KCNIP1: variants seen among roughly 807,000 people sequenced by gnomAD.
KCNIP1 encodes A-type potassium channel modulatory protein KCNIP1.
KCNIP1 carries 18 observed loss-of-function variants against 33.0 expected under a neutral mutation model. The observed-to-expected ratio is 0.55, with a 90% confidence interval of 0.38 to 0.81. KCNIP1 has a LOEUF of 0.81. KCNIP1 is among the 30% of genes least tolerant of loss of function. The pLI is 0.00. For synonymous variants in KCNIP1, 93 were observed against 98.3 expected, an observed-to-expected ratio of 0.95 and a Z score of 0.32; for missense variants, 238 against 271.6, an observed-to-expected ratio of 0.88 and a Z score of 0.87.
chr5:170,637,604 C>A, intron 1 of KCNIP1, among the ~76,000 whole-genome samples: 1 of 152,184 alleles, frequency 6.6e-6, no homozygotes, highest in Non-Finnish European at 1.5e-5. Context: ...AAGGCCTTTG[C>A]TCAGGCTGTT....
chr5:170,722,624 T>G, intron 4 of KCNIP1, 89 bp from the exon 5 acceptor site: 36 of 875,108 alleles, frequency 4.1e-5, no homozygotes, highest in Non-Finnish European at 6.2e-5. Flanking sequence ...CACCATTCTG[T>G]GAGAGTATCA....
chr5:170,594,106 T>C (rs985267496), intron 1 of KCNIP1, among the ~76,000 whole-genome samples: 4 of 152,236 alleles, frequency 2.6e-5, no homozygotes, highest in Non-Finnish European at 1.5e-5. Context: ...AAAGGATGAC[T>C]TTCCCTAGGA....
chr5:170,506,776 C>T (rs545090108), intron 1 of KCNIP1, among the ~76,000 whole-genome samples: 2 of 152,296 alleles, frequency 1.3e-5, no homozygotes, highest in East Asian at 3.9e-4. Flanking sequence ...GACAAGCTAT[C>T]GAAGCACTGG....
At chr5:170,521,856 C>A (rs1223202662) in intron 1 of KCNIP1, among the ~76,000 whole-genome samples, 1 of 152,198 alleles carries the variant, frequency 6.6e-6, no homozygotes, top group Non-Finnish European at 1.5e-5. Context: ...TTTTATCATT[C>A]ATATAACTTC....
chr5:170,657,842 C>A (rs1761329275), intron 1 of KCNIP1, among the ~76,000 whole-genome samples: 1 of 152,196 alleles, frequency 6.6e-6, no homozygotes, highest in African/African-American at 2.4e-5. Context: ...GACTGCACAG[C>A]AACCCATGCC....
At chr5:170,615,265 C>T (rs1002844976) in intron 1 of KCNIP1, among the ~76,000 whole-genome samples, 1 of 152,074 alleles carries the variant, frequency 6.6e-6, no homozygotes, top group Non-Finnish European at 1.5e-5. Context: ...AGCCACTTTC[C>T]CACAGCCTGG....
At chr5:170,484,552 T>G (rs1463098266) in intron 1 of KCNIP1, among the ~76,000 whole-genome samples, 1 of 152,166 alleles carries the variant, frequency 6.6e-6, no homozygotes, top group Non-Finnish European at 1.5e-5. Context: ...TCTCTCCTTT[T>G]TTCATTCCAT....
intron 1 of KCNIP1, among the ~76,000 whole-genome samples, chr5:170,390,538 A>ATATATATATATT (rs1554088948): frequency 5.1e-4 from 67 of 131,198 alleles, no homozygotes; most frequent in Non-Finnish European, 9.2e-4. Context: ...ATATATATAT[A>ATATATATATATT]TTTTCAACAA....
chr5:170,699,185 C>T (rs1029953331), intron 1 of KCNIP1, among the ~76,000 whole-genome samples: 3 of 152,160 alleles, frequency 2.0e-5, no homozygotes, highest in African/African-American at 7.2e-5. Context: ...AAGAACGTAA[C>T]AGCCATCCAT....
intron 1 of KCNIP1, among the ~76,000 whole-genome samples, chr5:170,391,460 G>C (rs553597939): frequency 1.3e-5 from 2 of 152,208 alleles, no homozygotes; most frequent in Non-Finnish European, 1.5e-5. Flanking sequence ...CCCTGTCCTC[G>C]AGGGTTTGTG....
chr5:170,410,430 C>G (rs1011731888), intron 1 of KCNIP1, among the ~76,000 whole-genome samples: 9 of 152,220 alleles, frequency 5.9e-5, no homozygotes, highest in African/African-American at 2.2e-4. Context: ...GTCCCCCACA[C>G]AGGGGATCGC....
chr5:170,423,738 G>A (rs1438037631), intron 1 of KCNIP1, among the ~76,000 whole-genome samples: 10 of 152,146 alleles, frequency 6.6e-5, no homozygotes, highest in African/African-American at 9.7e-5. Context: ...TGTTAGATGC[G>A]GGGGTGCGTC....
intron 1 of KCNIP1, among the ~76,000 whole-genome samples, chr5:170,392,225 C>T (rs1754618816): frequency 6.6e-6 from 1 of 152,186 alleles, no homozygotes; most frequent in African/African-American, 2.4e-5. Flanking sequence ...AGCCTGCAGA[C>T]AGTTCCAGCC....
intron 1 of KCNIP1, among the ~76,000 whole-genome samples, chr5:170,580,988 A>G (rs927311506): frequency 1.3e-5 from 2 of 152,180 alleles, no homozygotes; most frequent in Non-Finnish European, 2.9e-5. Context: ...CCAAATAACC[A>G]CTGAGGCACT....
In KCNIP1 at chr5:170,588,220, G is replaced by C. The variant is rs184246097; in HGVS notation, c.61+83587G>C. ...ACTTTCTCGGATGGACAATTTCTCT[G>C]TTCTGACAGTCACTGTTGACTCCAT... On this transcript the variant is annotated intron_variant, in intron 1 of 7. Transcript: ENST00000328939. Among the ~76,000 whole-genome samples the C allele has an allele frequency of 4.6e-5, 7 of 152,274 alleles. No homozygotes were observed. In the East Asian group the frequency reaches 1.2e-3, roughly 25 times the overall value.
chr5:170,683,954 A>C (rs893703074), intron 1 of KCNIP1, among the ~76,000 whole-genome samples: 2 of 149,606 alleles, frequency 1.3e-5, no homozygotes, highest in Non-Finnish European at 3.0e-5. Context: ...ACAGGGTTTC[A>C]CCATGTTGCC....
chr5:170,688,946 G>A, intron 1 of KCNIP1, among the ~76,000 whole-genome samples: 1 of 140,352 alleles, frequency 7.1e-6, no homozygotes, highest in South Asian at 2.6e-4. Context: ...CCAAGAACAA[G>A]AGGATAGAAA....
chr5:170,679,779 G>A (rs1762268146), intron 1 of KCNIP1, among the ~76,000 whole-genome samples: 1 of 151,604 alleles, frequency 6.6e-6, no homozygotes, highest in Non-Finnish European at 1.5e-5. Context: ...AAGATACATG[G>A]ATGTGCCACA....
intron 1 of KCNIP1, among the ~76,000 whole-genome samples, chr5:170,449,429 T>A (rs1756193294): frequency 6.6e-6 from 1 of 152,152 alleles, no homozygotes; most frequent in Admixed American, 6.5e-5. Context: ...GAGCACAATG[T>A]GCAGGGCAGA....
Sources: gnomAD v4.1 joint callset for allele counts (sites outside exome capture counted in the v4.1 genomes callset) on GRCh38, gnomAD v4.1.1 for gene constraint, MANE v1.5 for transcripts, NCBI Gene and HGNC (gene_info 2026-07-23, HGNC 2026-07-21) for gene names.